TNIK: variants seen among roughly 807,000 people sequenced by gnomAD.
TNIK encodes TRAF2 and NCK interacting kinase, also known as TRAF2 and NCK-interacting protein kinase.
TNIK carries 49 observed loss-of-function variants against 191.3 expected under a neutral mutation model. The ratio of observed to expected loss-of-function variants is 0.26; its 90% CI spans 0.20 to 0.32. The LOEUF is 0.32. TNIK is among the 10% of genes least tolerant of loss of function. TNIK has a pLI of 1.00. For missense variants in TNIK, 1,155 were observed against 1,702.3 expected (o/e 0.68, Z 5.66); for synonymous variants, 594 against 600.9 (o/e 0.99, Z 0.17).
At chr3:171,420,171 A>G (rs917416568) in intron 1 of TNIK, among the ~76,000 whole-genome samples, 8 of 152,216 alleles carry the variant, frequency 5.3e-5, no homozygotes, top group African/African-American at 1.9e-4. Context: ...TGTTGGTAAG[A>G]CAGGCCCAAC....
intron 9 of TNIK, among the ~76,000 whole-genome samples, chr3:171,172,846 T>C (rs550053843): frequency 6.6e-6 from 1 of 152,332 alleles, no homozygotes; most frequent in African/African-American, 2.4e-5. Flanking sequence ...CTTCTCAGTG[T>C]TTCCAAACTT....
intron 4 of TNIK, among the ~76,000 whole-genome samples, chr3:171,201,346 C>A (rs1350440258): frequency 6.6e-6 from 1 of 152,072 alleles, no homozygotes; most frequent in Admixed American, 6.5e-5. Flanking sequence ...TTGTGGTGAG[C>A]CGAGATCAAG....
chr3:171,177,088 A>G (rs191543190), intron 8 of TNIK, among the ~76,000 whole-genome samples: 703 of 151,860 alleles, frequency 4.6e-3, no homozygotes, highest in Non-Finnish European at 7.5e-3. Context: ...AGACTCCCCA[A>G]AGTATGCTTT....
intron 28 of TNIK, among the ~76,000 whole-genome samples, chr3:171,074,128 A>G (rs997404946): frequency 6.6e-6 from 1 of 152,088 alleles, no homozygotes; most frequent in African/African-American, 2.4e-5. Flanking sequence ...TTGTCCATCA[A>G]TGGTTGATTA....
At chr3:171,402,851 T>A (rs1362381401) in intron 1 of TNIK, among the ~76,000 whole-genome samples, 1 of 152,234 alleles carries the variant, frequency 6.6e-6, no homozygotes, top group Non-Finnish European at 1.5e-5. Context: ...GTTTACATAC[T>A]TAAATATGAC....
At chr3:171,348,901 T>A (rs1252754398) in intron 2 of TNIK, among the ~76,000 whole-genome samples, 2 of 152,136 alleles carry the variant, frequency 1.3e-5, no homozygotes, top group Admixed American at 1.3e-4. Flanking sequence ...TTTTTAAATA[T>A]AGCTGAAAAT....
intron 1 of TNIK, among the ~76,000 whole-genome samples, chr3:171,438,247 G>C: frequency 6.6e-6 from 1 of 150,830 alleles, no homozygotes; most frequent in East Asian, 1.9e-4. Flanking sequence ...ATAGCACCTA[G>C]GAGGTTTCTA....
rs115145897 is a variant in TNIK, at chr3:171,379,147, T to C, written c.58-9462A>G. 2.1e-3 allele frequency among the ~76,000 whole-genome samples: 318 copies of C among 152,332 alleles called. 1 individual carries two copies. The highest frequency in any genetic ancestry group is 7.2e-3 in the African/African-American group (301 of 41,580). The stretch of plus-strand genomic sequence containing the variant: ...CCATTTAGTAGGTCACATGCATATA[T>C]ATCAGCATAAAAGATAAATAATATT... On this transcript the variant is annotated intron_variant, in intron 1 of 32. Transcript: ENST00000436636.
chr3:171,146,416 C>T (rs1187649176), intron 12 of TNIK, among the ~76,000 whole-genome samples: 3 of 152,096 alleles, frequency 2.0e-5, no homozygotes, highest in Non-Finnish European at 4.4e-5. Flanking sequence ...TATATGGACC[C>T]AAGTGATATC....
At chr3:171,370,802 T>C (rs1027318574) in intron 1 of TNIK, among the ~76,000 whole-genome samples, 2 of 152,238 alleles carry the variant, frequency 1.3e-5, no homozygotes, top group African/African-American at 4.8e-5. Context: ...AAACTGAACA[T>C]TGTATTTAAT....
chr3:171,216,792 TTAGATTGTAATAAATAATTACAA>T (rs1219998383), intron 3 of TNIK, among the ~76,000 whole-genome samples: 3 of 152,138 alleles, frequency 2.0e-5, no homozygotes, highest in South Asian at 2.1e-4. Flanking sequence ...CTGTAATAAA[TTAGATTGTAATAAATAATTACAA>T]TAGATTGTAA....
chr3:171,139,389 C>CAG, intron 14 of TNIK, 81 bp downstream of exon 14: 2 of 1,061,954 alleles, frequency 1.9e-6, no homozygotes, highest in Non-Finnish European at 2.8e-6. Context: ...CACACACACA[C>CAG]ACACACACAC....
At chr3:171,090,345 A>T (rs1168845472) in intron 23 of TNIK, among the ~76,000 whole-genome samples, 2 of 151,454 alleles carry the variant, frequency 1.3e-5, no homozygotes, top group African/African-American at 4.9e-5. Context: ...AATACCCTAA[A>T]TCTTCCTTTA....
chr3:171,091,855 C>T (rs1029524328), intron 23 of TNIK, among the ~76,000 whole-genome samples: 5 of 152,014 alleles, frequency 3.3e-5, no homozygotes, highest in African/African-American at 1.2e-4. Context: ...TTGAGGAAGG[C>T]AGAATTGGAA....
chr3:171,397,986 A>C (rs933572177), intron 1 of TNIK, among the ~76,000 whole-genome samples: 5 of 152,236 alleles, frequency 3.3e-5, no homozygotes, highest in Non-Finnish European at 5.9e-5. Flanking sequence ...CTGCTGGAGA[A>C]TTCTTAGACC....
rs115062419 is a variant in TNIK at position 171,097,770 on chromosome 3, C to T, written c.2591+3679G>A. 9.9e-3 allele frequency among the ~76,000 whole-genome samples: 1,506 copies of T among 152,098 alleles called. 27 individuals are homozygous for T. Among genetic ancestry groups the T allele is most frequent in the African/African-American group, 0.033 (1,373 of 41,462 alleles). Reference sequence around the variant, plus strand: ...TCTCAGGTATTTCTTCATAGCAGTACGAAAATGGACTAATACAGTAGTTGA... The same window carrying T: ...TCTCAGGTATTTCTTCATAGCAGTATGAAAATGGACTAATACAGTAGTTGA... On this transcript the variant is annotated intron_variant, in intron 22 of 32. Transcript: ENST00000436636.
Position 171,177,988 on chromosome 3 carries a change from C to T in TNIK, c.640-608G>A, listed in dbSNP as rs182149704. On this transcript the variant is annotated intron_variant, in intron 7 of 32. Transcript: ENST00000436636. ...GGTCTTATGTATTCGATCTGTTTCA[C>T]GTAGAATAGTGTTTCTGAAGTCCAC... Among the ~76,000 whole-genome samples, 237 of 152,288 alleles carry T rather than the reference C, an allele frequency of 1.6e-3. 3 individuals are homozygous for T. The highest frequency in any genetic ancestry group is 3.5e-4 in the Non-Finnish European group (24 of 68,030).
At chr3:171,208,853 G>A (rs1010075006) in intron 4 of TNIK, among the ~76,000 whole-genome samples, 5 of 151,960 alleles carry the variant, frequency 3.3e-5, no homozygotes, top group Admixed American at 6.6e-5. Flanking sequence ...AGCCACCCTC[G>A]CACCCAGCCC....
chr3:171,419,802 A>G (rs1723536294), intron 1 of TNIK, among the ~76,000 whole-genome samples: 2 of 151,398 alleles, frequency 1.3e-5, no homozygotes, highest in Non-Finnish European at 2.9e-5. Flanking sequence ...TTAGCATTTC[A>G]TCAGAAGAAT....
Sources: gnomAD v4.1 joint callset for allele counts (sites outside exome capture counted in the v4.1 genomes callset) on GRCh38, gnomAD v4.1.1 for gene constraint, MANE v1.5 for transcripts, NCBI Gene and HGNC (gene_info 2026-07-23, HGNC 2026-07-21) for gene names.